The following DMD variants were observed in gnomAD, a reference collection of about 807,000 sequenced individuals.
DMD encodes dystrophin.
DMD carries 63 observed loss-of-function variants against 330.1 expected under a neutral mutation model. The observed-to-expected ratio is 0.19, with a 90% CI of 0.16 to 0.24. DMD has a LOEUF of 0.24. DMD is among the 10% of genes least tolerant of loss of function. The pLI, the probability that DMD is intolerant of heterozygous loss-of-function variation, is 1.00. For missense variants in DMD, 3,344 were observed against 2,684.1 expected (o/e 1.25, Z -5.43); for synonymous variants, 1,223 against 959.8 (o/e 1.27, Z -5.07).
At chrX:32,358,172 A>G (rs892790137) in intron 37 of DMD, among the ~76,000 whole-genome samples, 1 of 111,014 alleles carries the variant, frequency 9.0e-6, no homozygotes, top group Non-Finnish European at 1.9e-5. Flanking sequence ...ATATACCTCA[A>G]CTAGCATCTC....
chrX:32,351,650 G>A (rs1037553217), intron 37 of DMD, among the ~76,000 whole-genome samples: 1 of 109,811 alleles, frequency 9.1e-6, no homozygotes, highest in South Asian at 3.8e-4. Flanking sequence ...AATATTTCCT[G>A]AAAAAATAAA....
intron 72 of DMD, among the ~76,000 whole-genome samples, chrX:31,172,688 G>A (rs1187448988): frequency 9.0e-6 from 1 of 111,550 alleles, no homozygotes; most frequent in Non-Finnish European, 1.9e-5. Flanking sequence ...ACTGAGAACA[G>A]GTCTTTGTTT....
At chrX:31,620,364 T>TC (rs1603428191) in intron 55 of DMD, among the ~76,000 whole-genome samples, 1 of 111,405 alleles carries the variant, frequency 9.0e-6, no homozygotes, top group African/African-American at 3.3e-5. Flanking sequence ...AAAGAGTTTT[T>TC]CATGATCTTG....
At chrX:33,096,661 C>T (rs1370643552) in intron 1 of DMD, among the ~76,000 whole-genome samples, 2 of 110,996 alleles carry the variant, frequency 1.8e-5, no homozygotes, top group East Asian at 2.9e-4. Flanking sequence ...TGCACCACCA[C>T]ACCTGGCTAA....
At chrX:32,537,541 C>T (rs752656457) in intron 17 of DMD, among the ~76,000 whole-genome samples, 4 of 110,605 alleles carry the variant, frequency 3.6e-5, no homozygotes, top group Non-Finnish European at 7.6e-5. Context: ...AAGCACAAGA[C>T]AAAGGTCAAA....
chrX:32,635,875 G>A lies in DMD; in HGVS notation c.1331+8257C>T, dbSNP rs145767185. On this transcript the variant is annotated intron_variant, in intron 11 of 78. Coordinates refer to ENST00000357033, the MANE Select transcript of DMD (RefSeq NM_004006.3). The stretch of plus-strand genomic sequence containing the variant: ...CACCTTTACCACAAGTACATCCATC[G>A]CTATTGTCCTCTAGTTCTCATGCTA... Among the ~76,000 whole-genome samples, 643 of 111,566 alleles carry A rather than the reference G, an allele frequency of 5.8e-3. 5 individuals are homozygous for A. The highest frequency in any genetic ancestry group is 0.018 in the African/African-American group (558 of 30,673).
chrX:32,742,180 T>A (rs2069368921), intron 7 of DMD, among the ~76,000 whole-genome samples: 1 of 111,960 alleles, frequency 8.9e-6, no homozygotes, highest in Admixed American at 9.5e-5. Context: ...ACCATTCTGA[T>A]ATTGTCACTG....
At position 32,067,140 on chromosome X, in the gene DMD, T is replaced by C. The variant is rs189050601; in HGVS notation, c.6439-98626A>G. Among the ~76,000 whole-genome samples the C allele has an allele frequency of 4.8e-4, 54 of 111,355 alleles. 1 individual carries two copies. The highest frequency in any genetic ancestry group is 8.1e-4 in the Non-Finnish European group (43 of 52,865). On this transcript the variant is annotated intron_variant, in intron 44 of 78. Transcript: ENST00000357033. ...CACATGGACAAAGAATGTTTTTATC[T>C]TTCTGACAGATTATCAGAATATGTA...
At chrX:33,093,317 G>A (rs1196006981) in intron 1 of DMD, among the ~76,000 whole-genome samples, 1 of 112,064 alleles carries the variant, frequency 8.9e-6, no homozygotes, top group Non-Finnish European at 1.9e-5. Flanking sequence ...ATTACTTTAC[G>A]TTGTAAATAT....
rs1385160750 is a variant in DMD at position 33,102,314 on chromosome X, TTG to T, written c.32-82116_32-82115del. Among the ~76,000 whole-genome samples, 296 of 41,753 alleles carry T rather than the reference TTG, an allele frequency of 7.1e-3. 2 individuals carry two copies. The highest frequency in any genetic ancestry group is 0.016 in the Admixed American group (45 of 2,773). 36.3% of individuals were successfully genotyped at this position (41,753 alleles called of 115,157 possible). On this transcript the variant is annotated intron_variant, in intron 1 of 78. Coordinates refer to ENST00000357033, the MANE Select transcript of DMD (RefSeq NM_004006.3). The stretch of plus-strand genomic sequence containing the variant: ...TATTACCCCAGAAGGCTGGTTTTTT[TTG>T]TTTTTTTTTTTTTTTAAGTATTCCA...
At chrX:32,803,477 C>G (rs1386660520) in intron 7 of DMD, among the ~76,000 whole-genome samples, 1 of 107,786 alleles carries the variant, frequency 9.3e-6, no homozygotes, top group African/African-American at 3.4e-5. Context: ...CAGTTCTGCT[C>G]TTAGTTATTT....
At chrX:32,649,808 A>G (rs1270444321) in intron 9 of DMD, among the ~76,000 whole-genome samples, 3 of 110,889 alleles carry the variant, frequency 2.7e-5, no homozygotes, top group African/African-American at 9.9e-5. Flanking sequence ...CCAGTTTACT[A>G]TCTGTCTGAT....
At chrX:33,263,955 T>C (rs1217567789) in intron 1 of DMD, among the ~76,000 whole-genome samples, 5 of 111,378 alleles carry the variant, frequency 4.5e-5, no homozygotes, top group Non-Finnish European at 9.5e-5. Flanking sequence ...AAAATAATCT[T>C]ACACTTAAGA....
intron 49 of DMD, among the ~76,000 whole-genome samples, chrX:31,833,878 T>G (rs1024380139): frequency 1.8e-5 from 2 of 111,596 alleles, no homozygotes; most frequent in African/African-American, 6.5e-5. Context: ...ATACTAGATC[T>G]TGCATATACA....
At chrX:31,506,501 G>A (rs985971297) in intron 56 of DMD, among the ~76,000 whole-genome samples, 18 of 112,070 alleles carry the variant, frequency 1.6e-4, no homozygotes, top group African/African-American at 5.5e-4. Context: ...TTCATTCCCC[G>A]CCCTTGCTAG....
chrX:32,068,677 T>C (rs1219573573), intron 44 of DMD, among the ~76,000 whole-genome samples: 1 of 111,100 alleles, frequency 9.0e-6, no homozygotes, highest in Non-Finnish European at 1.9e-5. Context: ...AATATAACTT[T>C]TAAGTGATTT....
chrX:31,252,873 A>G lies in DMD; in HGVS notation c.9286+8082T>C, dbSNP rs763931845. Among the ~76,000 whole-genome samples, 4 of 111,462 alleles carry G rather than the reference A, an allele frequency of 3.6e-5. No individual in the cohort carries two copies. In the South Asian group the frequency reaches 1.5e-3, roughly 43 times the overall value. Reference sequence around the variant, plus strand: ...CTAAAAATACAAAAATTAGCTGAGCATGGTGGCGGGAGGCTGCTGAGGCAG... The same window carrying G: ...CTAAAAATACAAAAATTAGCTGAGCGTGGTGGCGGGAGGCTGCTGAGGCAG... On this transcript the variant is annotated intron_variant, in intron 63 of 78. Transcript: ENST00000357033.
intron 76 of DMD, among the ~76,000 whole-genome samples, chrX:31,139,178 T>C (rs754714984): frequency 5.3e-4 from 59 of 111,380 alleles, no homozygotes; most frequent in Non-Finnish European, 9.0e-4. Flanking sequence ...GATGTCAGTG[T>C]GGATGTGGTG....
chrX:32,458,675 T>C (rs1166371567), intron 25 of DMD, among the ~76,000 whole-genome samples: 1 of 111,474 alleles, frequency 9.0e-6, no homozygotes, highest in Non-Finnish European at 1.9e-5. Flanking sequence ...TGCTTTGTTT[T>C]GTTCTGATAA....
Sources: gnomAD v4.1 joint callset for allele counts (sites outside exome capture counted in the v4.1 genomes callset) on GRCh38, gnomAD v4.1.1 for gene constraint, MANE v1.5 for transcripts, NCBI Gene and HGNC (gene_info 2026-07-23, HGNC 2026-07-21) for gene names.